DHX58: variants seen among roughly 807,000 people sequenced by gnomAD.
DHX58 encodes the protein DExH-box helicase 58.
In DHX58, 51 loss-of-function variants were observed where a neutral mutation model predicts 65.0. The observed-to-expected ratio is 0.78, with a 90% CI of 0.63 to 0.99. The LOEUF (loss-of-function observed/expected upper bound fraction) is 0.99, where lower values mean the gene tolerates loss of function less well. DHX58 is among the 50% of genes least tolerant of loss of function. DHX58 has a pLI of 0.00. For missense variants in DHX58, 773 were observed against 891.8 expected, an observed-to-expected ratio of 0.87 and a Z score of 1.70; for synonymous variants, 350 against 365.0, an observed-to-expected ratio of 0.96 and a Z score of 0.47.
Position 42,101,801 on chromosome 17 carries a change from T to G in DHX58, c.1997A>C (p.Gln666Pro), listed in dbSNP as rs1555661578. 1.2e-6 allele frequency: 2 copies of G among 1,614,218 alleles called. No homozygotes were observed. The highest frequency in any genetic ancestry group is 1.7e-5 in the Admixed American group (1 of 60,020). The change falls in exon 14 of 14, where the codon CAG becomes CCG. Residue 666 changes from glutamine (Q) to proline (P), a missense_variant. Transcript: ENST00000251642. Reference sequence around the variant, plus strand: ...GTCCGACAAGTTCTCGGCACAATGCTGCAGGAAGTCAAAGTCAGGCACGGA... The same window carrying G: ...GTCCGACAAGTTCTCGGCACAATGCGGCAGGAAGTCAAAGTCAGGCACGGA... ...PFSVPDFDFL[Q>P]HCAENLSDLS... is the part of the protein sequence containing the mutation.
chr17:42,106,384 C>T (rs2054060030), intron 8 of DHX58, among the ~76,000 whole-genome samples: 1 of 131,854 alleles, frequency 7.6e-6, no homozygotes, highest in Admixed American at 9.6e-5. Context: ...GTGGGGAGGG[C>T]ACTGGCGGAG....
At chr17:42,109,911 G>A (rs566823502) in intron 5 of DHX58, among the ~76,000 whole-genome samples, 1 of 150,442 alleles carries the variant, frequency 6.6e-6, no homozygotes, top group South Asian at 2.1e-4. Flanking sequence ...AAAGAGGCTG[G>A]GCACAGTGGC....
At position 42,103,824 on chromosome 17, in the gene DHX58, T is replaced by C. The variant is rs782244075; in HGVS notation, c.1564-26A>G. 4.7e-5 allele frequency: 75 copies of C among 1,593,612 alleles called. No individual in the cohort carries two copies. The East Asian group carries it at 1.4e-3, about 30-fold the overall frequency. Reference sequence around the variant, plus strand: ...CTGGGGTGGGAGGAGACACCAGGCATGGCTGGGGCCTAAGAGAACGTTCCT... The same window carrying C: ...CTGGGGTGGGAGGAGACACCAGGCACGGCTGGGGCCTAAGAGAACGTTCCT... On this transcript the variant is annotated intron_variant, in intron 11 of 13. Transcript: ENST00000251642.
chr17:42,111,966 A>T lies in DHX58; in HGVS notation c.-1-73T>A, dbSNP rs933157596. The T allele has an allele frequency of 2.6e-6, 4 of 1,520,218 alleles. No homozygotes were observed. The African/African-American group carries it at 5.5e-5, about 21-fold the overall frequency. 94.2% of individuals were successfully genotyped at this position (1,520,218 alleles called of 1,614,324 possible). A position where few individuals can be genotyped will look rare whatever the true frequency, so the allele number is the denominator to read the frequency against. ...AACTCCTGGCCAGACCAGTCAGTAC[A>T]GAGACCTCCCTTTGCCCAGGACTCC... On this transcript the variant is annotated intron_variant, in intron 2 of 13. Coordinates refer to ENST00000251642, the MANE Select transcript of DHX58 (RefSeq NM_024119.3).
In DHX58 at chr17:42,104,681, G is replaced by C. The variant is rs868993990; in HGVS notation, c.1563+85C>G. ...CCCCGAGATGTAGAGGGGACAGGGG[G>C]ACGTATGTGTGCAGTCAGAAACCTG... On this transcript the variant is annotated intron_variant, in intron 11 of 13. Transcript: ENST00000251642. The C allele has an allele frequency of 3.2e-6, 5 of 1,540,442 alleles. No homozygotes were observed. The Admixed American group carries it at 7.3e-5, about 22-fold the overall frequency.
chr17:42,102,094 C>G, intron 13 of DHX58, 122 bp downstream of exon 13: 1 of 1,435,718 alleles, frequency 7.0e-7, no homozygotes, highest in Non-Finnish European at 9.6e-7. Context: ...GGCTGGACCT[C>G]CCTCTTCAGA....
At chr17:42,107,531 C>G in intron 8 of DHX58, 73 bp downstream of exon 8, 1 of 1,446,870 alleles carries the variant, frequency 6.9e-7, no homozygotes, top group Non-Finnish European at 9.1e-7. Context: ...GACCTTGGCG[C>G]CTGTGCCCTG....
intron 12 of DHX58, 109 bp downstream of exon 12, chr17:42,103,499 T>C (rs532942600): frequency 7.4e-7 from 1 of 1,356,182 alleles, no homozygotes; most frequent in African/African-American, 1.5e-5. Context: ...ATTGTGAAAA[T>C]GCAAAGTACT....
At chr17:42,103,868 C>A in intron 11 of DHX58, 70 bp from the exon 12 acceptor site, 1 of 1,500,140 alleles carries the variant, frequency 6.7e-7, no homozygotes, top group East Asian at 2.3e-5. Flanking sequence ...AAAAGGTTCC[C>A]AAAGAACTAA....
At chr17:42,106,604 C>A (rs549114681) in intron 8 of DHX58, among the ~76,000 whole-genome samples, 2 of 140,502 alleles carry the variant, frequency 1.4e-5, no homozygotes, top group African/African-American at 2.9e-5. Context: ...TCGAGACCAG[C>A]CTGACAAATA....
intron 6 of DHX58, 36 bp downstream of exon 6, chr17:42,109,234 G>T: frequency 6.3e-7 from 1 of 1,578,218 alleles, no homozygotes; most frequent in Non-Finnish European, 8.6e-7. Context: ...ACTTCACACC[G>T]GCTCCCGCTC....
chr17:42,102,060 A>T, intron 13 of DHX58, 114 bp from the exon 14 acceptor site: 1 of 1,448,260 alleles, frequency 6.9e-7, no homozygotes, highest in Non-Finnish European at 9.4e-7. Flanking sequence ...GAGATGTCAC[A>T]GACTGTGGGC....
At chr17:42,110,229 G>A (rs73311636) in intron 5 of DHX58, among the ~76,000 whole-genome samples, 327 of 151,574 alleles carry the variant, frequency 2.2e-3, no homozygotes, top group South Asian at 6.7e-3. Context: ...CTTGCAGAGC[G>A]CATTAACAAG....
At chr17:42,102,553 A>C in intron 12 of DHX58, 1 of 445,152 alleles carries the variant, frequency 2.2e-6, no homozygotes, top group Non-Finnish European at 4.0e-6. Context: ...CAGTCTCCTT[A>C]TGGGTCTCTC....
intron 12 of DHX58, chr17:42,103,378 T>G (rs565609512): frequency 1.8e-6 from 1 of 567,302 alleles, no homozygotes; most frequent in South Asian, 2.2e-5. Flanking sequence ...TTCCAGTTCT[T>G]GCTCAACCAG....
At chr17:42,108,903 G>T (rs968756237) in intron 6 of DHX58, among the ~76,000 whole-genome samples, 16 of 152,220 alleles carry the variant, frequency 1.1e-4, no homozygotes, top group Non-Finnish European at 1.3e-4. Context: ...TGTAACATTT[G>T]GTATAGTTAT....
intron 5 of DHX58, among the ~76,000 whole-genome samples, chr17:42,109,786 T>C (rs2054120154): frequency 6.6e-6 from 1 of 151,588 alleles, no homozygotes; most frequent in African/African-American, 2.4e-5. Context: ...TCTCAGCTAC[T>C]CGGGAGGCTG....
chr17:42,110,664 G>A (rs1357361040), intron 5 of DHX58, 59 bp downstream of exon 5: 5 of 1,517,726 alleles, frequency 3.3e-6, no homozygotes, highest in Non-Finnish European at 1.8e-6. Flanking sequence ...GGGCAGGCAG[G>A]GAGGGAGGGA....
rs369625114 is a variant in DHX58, at chr17:42,111,280, C to T, written c.370+16G>A. ...CCCCAGATGCGTATCTTTTTCCTCCCGGCCATGGCCCTCACCAGTGAGCTC... is the reference window on the plus strand; with the variant it reads ...CCCCAGATGCGTATCTTTTTCCTCCTGGCCATGGCCCTCACCAGTGAGCTC... On this transcript the variant is annotated intron_variant, in intron 4 of 13. Coordinates refer to ENST00000251642, the MANE Select transcript of DHX58 (RefSeq NM_024119.3). The T allele has an allele frequency of 3.2e-5, 52 of 1,603,740 alleles. No individual in the cohort carries two copies. Among genetic ancestry groups the T allele is most frequent in the Non-Finnish European group, 3.9e-5 (46 of 1,171,990 alleles).
Sources: gnomAD v4.1 joint callset for allele counts (sites outside exome capture counted in the v4.1 genomes callset) on GRCh38, gnomAD v4.1.1 for gene constraint, MANE v1.5 for transcripts, NCBI Gene and HGNC (gene_info 2026-07-23, HGNC 2026-07-21) for gene names.